The following TIAM1 variants were observed in gnomAD, a reference collection of about 807,000 sequenced individuals.
The protein encoded by TIAM1 is rho guanine nucleotide exchange factor TIAM1.
TIAM1 carries 65 observed loss-of-function variants against 163.5 expected under a neutral mutation model. That is an observed-to-expected ratio of 0.40 (90% CI 0.33 to 0.49). TIAM1 has a LOEUF of 0.49. Among genes scored for constraint, TIAM1 ranks in the 20% least tolerant of loss-of-function variants. The probability of loss-of-function intolerance (pLI) is 0.77; values close to 1 mark genes in which losing one functional copy is unlikely to be tolerated. For missense variants in TIAM1, 1,789 were observed against 2,044.7 expected, an observed-to-expected ratio of 0.87 and a Z score of 2.41; for synonymous variants, 833 against 810.1, an observed-to-expected ratio of 1.03 and a Z score of -0.48.
At chr21:31,513,193 T>C (rs1459712629) in intron 1 of TIAM1, among the ~76,000 whole-genome samples, 2 of 152,324 alleles carry the variant, frequency 1.3e-5, no homozygotes, top group African/African-American at 4.8e-5. Context: ...ACACGTACCA[T>C]GTTCCAGACA....
At chr21:31,423,329 A>G (rs1485892090) in intron 2 of TIAM1, among the ~76,000 whole-genome samples, 5 of 151,760 alleles carry the variant, frequency 3.3e-5, no homozygotes, top group Admixed American at 6.6e-5. Context: ...CGATCTCCTG[A>G]CCTCATGATC....
intron 2 of TIAM1, among the ~76,000 whole-genome samples, chr21:31,384,375 A>AGCAACATG (rs1217492284): frequency 3.4e-5 from 5 of 146,044 alleles, no homozygotes; most frequent in African/African-American, 5.1e-5. Context: ...GACCAGCCTG[A>AGCAACATG]GCAACATGGC....
intron 2 of TIAM1, among the ~76,000 whole-genome samples, chr21:31,350,211 TG>T (rs2076212199): frequency 6.6e-6 from 1 of 152,108 alleles, no homozygotes; most frequent in African/African-American, 2.4e-5. Flanking sequence ...GCCACCCTTG[TG>T]AGGGTGGACG....
chr21:31,255,094 C>G (rs2072022054), intron 4 of TIAM1, among the ~76,000 whole-genome samples: 1 of 152,168 alleles, frequency 6.6e-6, no homozygotes, highest in African/African-American at 2.4e-5. Context: ...GTGTGTTCAA[C>G]TCTGGGACAA....
intron 3 of TIAM1, among the ~76,000 whole-genome samples, chr21:31,267,592 G>A (rs1198147751): frequency 6.9e-6 from 1 of 145,712 alleles, no homozygotes; most frequent in Non-Finnish European, 1.5e-5. Context: ...ACCTCAAGGT[G>A]TAAGTCTGAT....
chr21:31,155,796 C>G (rs778958589), intron 16 of TIAM1, among the ~76,000 whole-genome samples: 5 of 152,224 alleles, frequency 3.3e-5, no homozygotes, highest in Non-Finnish European at 7.3e-5. Context: ...CCACCGCGCC[C>G]GGCCCCGGAA....
At chr21:31,307,352 A>G (rs1209382550) in intron 2 of TIAM1, among the ~76,000 whole-genome samples, 3 of 152,156 alleles carry the variant, frequency 2.0e-5, no homozygotes, top group African/African-American at 4.8e-5. Flanking sequence ...AGCCACTCTT[A>G]TGACCATTAC....
At chr21:31,441,316 G>C (rs1269274966) in intron 2 of TIAM1, among the ~76,000 whole-genome samples, 3 of 152,198 alleles carry the variant, frequency 2.0e-5, no homozygotes, top group Non-Finnish European at 4.4e-5. Context: ...AATCACATGT[G>C]ACACTTGTTT....
chr21:31,542,335 G>A (rs1365195889), intron 1 of TIAM1, among the ~76,000 whole-genome samples: 1 of 151,952 alleles, frequency 6.6e-6, no homozygotes, highest in Non-Finnish European at 1.5e-5. Context: ...GCTGAGGCAG[G>A]AGAATGGCGT....
intron 4 of TIAM1, among the ~76,000 whole-genome samples, chr21:31,253,558 T>A (rs2071935130): frequency 6.6e-6 from 1 of 151,966 alleles, no homozygotes; most frequent in African/African-American, 2.4e-5. Flanking sequence ...AAATACTAAA[T>A]AAGCAACTAA....
At chr21:31,207,844 C>T (rs1458464059) in intron 11 of TIAM1, among the ~76,000 whole-genome samples, 1 of 152,226 alleles carries the variant, frequency 6.6e-6, no homozygotes, top group East Asian at 1.9e-4. Flanking sequence ...CCCTCCTCAG[C>T]CTCCCAAAGT....
intron 2 of TIAM1, among the ~76,000 whole-genome samples, chr21:31,316,497 A>G (rs2075127372): frequency 6.6e-6 from 1 of 152,216 alleles, no homozygotes; most frequent in African/African-American, 2.4e-5. Context: ...TTAAAACACT[A>G]ACAGTGCATT....
chr21:31,532,251 A>G (rs1011393374), intron 1 of TIAM1, among the ~76,000 whole-genome samples: 2 of 152,164 alleles, frequency 1.3e-5, no homozygotes, highest in African/African-American at 4.8e-5. Context: ...ATTACACAGA[A>G]GCACCTCCTT....
At chr21:31,147,260 T>C (rs1049384618) in intron 19 of TIAM1, among the ~76,000 whole-genome samples, 2 of 152,178 alleles carry the variant, frequency 1.3e-5, no homozygotes, top group Non-Finnish European at 2.9e-5. Context: ...GTTTTCCAGG[T>C]CTGTGTCTTT....
At chr21:31,442,328 G>A (rs2044466478) in intron 2 of TIAM1, among the ~76,000 whole-genome samples, 1 of 150,284 alleles carries the variant, frequency 6.7e-6, no homozygotes, top group Non-Finnish European at 1.5e-5. Context: ...CACCTCCTGG[G>A]CTCAAGTGAT....
intron 8 of TIAM1, among the ~76,000 whole-genome samples, chr21:31,218,650 A>G (rs2087353347): frequency 6.6e-6 from 1 of 152,106 alleles, no homozygotes; most frequent in South Asian, 2.1e-4. Flanking sequence ...TTTTCCTTGC[A>G]GTAGGGCATG....
intron 20 of TIAM1, among the ~76,000 whole-genome samples, chr21:31,143,675 T>A (rs1411960513): frequency 6.6e-6 from 1 of 151,902 alleles, no homozygotes; most frequent in Non-Finnish European, 1.5e-5. Context: ...TGGTTAGGGG[T>A]ATGAGCTAAG....
At chr21:31,192,365 C>CCCAG in intron 13 of TIAM1, among the ~76,000 whole-genome samples, 1 of 152,284 alleles carries the variant, frequency 6.6e-6, no homozygotes, top group Middle Eastern at 3.4e-3. Flanking sequence ...TGCCTGTAAT[C>CCCAG]CCAGCACTTT....
intron 1 of TIAM1, among the ~76,000 whole-genome samples, chr21:31,502,524 C>A: frequency 6.6e-6 from 1 of 152,140 alleles, no homozygotes. Context: ...CCACCCTCCC[C>A]CAAATCTGGG....
Sources: allele counts gnomAD v4.1 joint callset (sites outside exome capture counted in the v4.1 genomes callset), GRCh38; gene constraint gnomAD v4.1.1; transcripts MANE v1.5; gene names NCBI Gene and HGNC (gene_info 2026-07-23, HGNC 2026-07-21).